CACNA2D3: variants seen among roughly 807,000 people sequenced by gnomAD.
CACNA2D3 encodes calcium voltage-gated channel auxiliary subunit alpha2delta 3.
Under a neutral mutation model 160.6 loss-of-function variants are expected in CACNA2D3, and 60 were observed. The observed-to-expected ratio is 0.37, with a 90% CI of 0.30 to 0.46. The LOEUF is 0.46. Ranked by LOEUF, CACNA2D3 falls within the 20% of genes least tolerant of loss-of-function variation. CACNA2D3 has a pLI of 1.00. For missense variants in CACNA2D3, 1,205 were observed against 1,365.0 expected (o/e 0.88, Z 1.85); for synonymous variants, 558 against 492.9 (o/e 1.13, Z -1.75).
At chr3:54,734,049 G>T (rs1701447200) in intron 11 of CACNA2D3, among the ~76,000 whole-genome samples, 1 of 151,652 alleles carries the variant, frequency 6.6e-6, no homozygotes, top group African/African-American at 2.4e-5. Context: ...AATAGTTTTG[G>T]GGAACTATCC....
intron 2 of CACNA2D3, among the ~76,000 whole-genome samples, chr3:54,255,397 C>A (rs543922658): frequency 6.6e-6 from 1 of 152,150 alleles, no homozygotes; most frequent in Non-Finnish European, 1.5e-5. Context: ...GAATGAAATG[C>A]GGCATAAAGA....
At chr3:54,879,787 A>G (rs1699749177) in intron 20 of CACNA2D3, among the ~76,000 whole-genome samples, 1 of 152,082 alleles carries the variant, frequency 6.6e-6, no homozygotes, top group African/African-American at 2.4e-5. Context: ...AATCCTTCAA[A>G]CCTGGAGGTG....
chr3:54,900,135 G>A (rs963014822), intron 27 of CACNA2D3, among the ~76,000 whole-genome samples: 1 of 152,150 alleles, frequency 6.6e-6, no homozygotes, highest in Non-Finnish European at 1.5e-5. Flanking sequence ...ACTTGCCGAG[G>A]AGAATTTCTT....
chr3:54,775,777 G>T, intron 13 of CACNA2D3, among the ~76,000 whole-genome samples: 1 of 152,058 alleles, frequency 6.6e-6, no homozygotes, highest in East Asian at 1.9e-4. Context: ...TCACCTCTTA[G>T]AAAGCATTGG....
chr3:54,179,548 C>T (rs1050882041), intron 2 of CACNA2D3, among the ~76,000 whole-genome samples: 5 of 152,102 alleles, frequency 3.3e-5, no homozygotes, highest in African/African-American at 4.8e-5. Flanking sequence ...GGATTCCCTG[C>T]GATGGACTGA....
At chr3:54,809,666 C>A (rs189550084) in intron 13 of CACNA2D3, among the ~76,000 whole-genome samples, 63 of 151,814 alleles carry the variant, frequency 4.1e-4, no homozygotes, top group African/African-American at 1.4e-3. Context: ...TCCCCTCCCT[C>A]CCTTCCTTTG....
chr3:55,072,936 G>A (rs954605397), intron 35 of CACNA2D3, among the ~76,000 whole-genome samples: 1 of 152,186 alleles, frequency 6.6e-6, no homozygotes, highest in Non-Finnish European at 1.5e-5. Context: ...CACTGTTCCT[G>A]TATACTGGGC....
At chr3:54,594,888 C>T (rs980260827) in intron 9 of CACNA2D3, among the ~76,000 whole-genome samples, 4 of 152,090 alleles carry the variant, frequency 2.6e-5, no homozygotes, top group East Asian at 1.9e-4. Context: ...GAGACACATG[C>T]GGGTATACAC....
intron 17 of CACNA2D3, among the ~76,000 whole-genome samples, chr3:54,870,228 G>C (rs763619529): frequency 2.0e-5 from 3 of 152,186 alleles, no homozygotes; most frequent in Admixed American, 6.5e-5. Flanking sequence ...GTTTACACTT[G>C]TCTGGTTCAA....
intron 20 of CACNA2D3, among the ~76,000 whole-genome samples, chr3:54,880,094 A>C (rs1360002555): frequency 1.3e-5 from 2 of 152,226 alleles, no homozygotes; most frequent in African/African-American, 2.4e-5. Flanking sequence ...CTGAAAAATA[A>C]ATTCTAGCAT....
At chr3:54,803,133 A>C (rs1331825703) in intron 13 of CACNA2D3, among the ~76,000 whole-genome samples, 1 of 152,208 alleles carries the variant, frequency 6.6e-6, no homozygotes, top group Non-Finnish European at 1.5e-5. Flanking sequence ...AAAAAAAGGA[A>C]ACTCTAAAAA....
intron 27 of CACNA2D3, among the ~76,000 whole-genome samples, chr3:54,919,677 C>G (rs945274170): frequency 6.6e-6 from 1 of 152,188 alleles, no homozygotes; most frequent in Non-Finnish European, 1.5e-5. Context: ...TCTAGTGTGA[C>G]CACTGATTTA....
intron 3 of CACNA2D3, among the ~76,000 whole-genome samples, chr3:54,372,728 A>G (rs894990841): frequency 2.0e-5 from 3 of 152,236 alleles, no homozygotes; most frequent in Non-Finnish European, 4.4e-5. Context: ...AGTCAAGTGT[A>G]TGAATAACGT....
intron 11 of CACNA2D3, among the ~76,000 whole-genome samples, chr3:54,643,054 A>T (rs549631040): frequency 1.3e-5 from 2 of 152,306 alleles, no homozygotes; most frequent in East Asian, 1.9e-4. Flanking sequence ...GGGAAAAGAC[A>T]TCAAAGTGGG....
chr3:54,521,570 T>A (rs1466304223), intron 5 of CACNA2D3, among the ~76,000 whole-genome samples: 1 of 152,232 alleles, frequency 6.6e-6, no homozygotes, highest in Non-Finnish European at 1.5e-5. Context: ...TTTACCTATT[T>A]TTAAATTTTG....
intron 13 of CACNA2D3, among the ~76,000 whole-genome samples, chr3:54,807,549 G>T (rs537473116): frequency 6.6e-6 from 1 of 151,990 alleles, no homozygotes. Context: ...TAAAAGTCAG[G>T]AAACAACAGG....
At chr3:54,658,404 G>C (rs1359849657) in intron 11 of CACNA2D3, among the ~76,000 whole-genome samples, 1 of 152,276 alleles carries the variant, frequency 6.6e-6, no homozygotes, top group East Asian at 1.9e-4. Flanking sequence ...TTGTGGTTTT[G>C]ATTTGCATTT....
intron 23 of CACNA2D3, 147 bp downstream of exon 23, chr3:54,885,733 T>C: frequency 1.5e-6 from 1 of 646,178 alleles, no homozygotes; most frequent in Non-Finnish European, 2.8e-6. Context: ...ATCTGCTTCC[T>C]GTAGGAACAG....
chr3:54,270,211 GAGAA>G (rs1702594314), intron 2 of CACNA2D3, among the ~76,000 whole-genome samples: 1 of 152,200 alleles, frequency 6.6e-6, no homozygotes, highest in African/African-American at 2.4e-5. Context: ...AAATATAAAA[GAGAA>G]AGAGTTTCTT....
Sources: gnomAD v4.1 joint callset for allele counts (sites outside exome capture counted in the v4.1 genomes callset) on GRCh38, gnomAD v4.1.1 for gene constraint, MANE v1.5 for transcripts, NCBI Gene and HGNC (gene_info 2026-07-23, HGNC 2026-07-21) for gene names.